The following VBP1 variants were observed in gnomAD, a reference collection of about 807,000 sequenced individuals.
VBP1 encodes prefoldin subunit 3.
VBP1 carries 4 observed loss-of-function variants against 15.5 expected under a neutral mutation model. The ratio of observed to expected loss-of-function variants is 0.26; its 90% CI spans 0.13 to 0.59. The LOEUF (loss-of-function observed/expected upper bound fraction) is 0.59. VBP1 is among the 20% of genes least tolerant of loss of function. The probability of loss-of-function intolerance (pLI) is 0.90; values close to 1 mark genes in which losing one functional copy is unlikely to be tolerated. For missense variants in VBP1, 108 were observed against 139.6 expected, an observed-to-expected ratio of 0.77 and a Z score of 1.14; for synonymous variants, 61 against 52.1, an observed-to-expected ratio of 1.17 and a Z score of -0.74.
intron 2 of VBP1, among the ~76,000 whole-genome samples, chrX:155,223,808 C>T (rs1206456353): frequency 6.9e-5 from 7 of 100,907 alleles, no homozygotes; most frequent in South Asian, 4.5e-4. Context: ...CCGGACGGGG[C>T]GGCTGGCCGG....
At chrX:155,225,929 A>G (rs1275466851) in intron 2 of VBP1, among the ~76,000 whole-genome samples, 1 of 112,121 alleles carries the variant, frequency 8.9e-6, no homozygotes, top group East Asian at 2.8e-4. Flanking sequence ...GGCTCATTTA[A>G]CACATTTCTT....
At chrX:155,235,436 T>G (rs1212144340) in intron 4 of VBP1, among the ~76,000 whole-genome samples, 1 of 111,477 alleles carries the variant, frequency 9.0e-6, no homozygotes, top group Admixed American at 9.6e-5. Context: ...TAAAATTGCA[T>G]TTGTGAGATG....
At position 155,239,084 on chromosome X, in the gene VBP1, A is replaced by G. The variant is rs936308256; in HGVS notation, c.*242A>G. On this transcript the variant is annotated 3_prime_UTR_variant, in exon 6 of 6. Transcript: ENST00000286428. ...AATCATTATTTTTGCCTGTCATAAG[A>G]AAACTCTTAGCTGAAATGGCCGAAA... 3.8e-6 allele frequency: 1 copy of G among 264,069 alleles called. No homozygotes were observed. Among genetic ancestry groups the G allele is most frequent in the Admixed American group, 6.5e-5 (1 of 15,335 alleles). 21.8% of individuals were successfully genotyped at this position (264,069 alleles called of 1,213,427 possible).
chrX:155,209,480 A>G (rs2074637495), intron 2 of VBP1, among the ~76,000 whole-genome samples: 1 of 112,654 alleles, frequency 8.9e-6, no homozygotes, highest in African/African-American at 3.2e-5. Context: ...TAGCAAAGGA[A>G]GCTTTCAAGT....
intron 4 of VBP1, among the ~76,000 whole-genome samples, chrX:155,231,210 C>G (rs1223085334): frequency 8.9e-6 from 1 of 112,028 alleles, no homozygotes; most frequent in Admixed American, 9.4e-5. Context: ...ACAGGACAGC[C>G]CTACTCCCTC....
At chrX:155,227,960 G>A in intron 3 of VBP1, among the ~76,000 whole-genome samples, 1 of 112,302 alleles carries the variant, frequency 8.9e-6, no homozygotes, top group Admixed American at 9.4e-5. Flanking sequence ...GGTGAACTTT[G>A]TAAGACTTCA....
intron 2 of VBP1, among the ~76,000 whole-genome samples, chrX:155,226,734 G>A (rs2074721660): frequency 9.0e-6 from 1 of 111,412 alleles, no homozygotes; most frequent in Non-Finnish European, 1.9e-5. Flanking sequence ...CACTGGATAG[G>A]GGATTGGTGT....
chrX:155,208,295 G>A (rs2074632791), intron 1 of VBP1, among the ~76,000 whole-genome samples: 1 of 112,208 alleles, frequency 8.9e-6, no homozygotes, highest in African/African-American at 3.2e-5. Context: ...GTAACTAGAA[G>A]AGTAAAACAA....
rs1204881041 is a variant in VBP1, at chrX:155,232,436, AT to A, written c.385-3786del. On this transcript the variant is annotated intron_variant, in intron 4 of 5. Coordinates refer to ENST00000286428, the MANE Select transcript of VBP1 (RefSeq NM_003372.7). ...TACTCCTTTCACCAAATCTGCAAAC[AT>A]TTTTTTCCTAATATTTATATACTTA... 6.3e-5 allele frequency among the ~76,000 whole-genome samples: 7 copies of A among 110,967 alleles called. No individual in the cohort carries two copies. The East Asian group carries it at 2.0e-3, about 31-fold the overall frequency.
chrX:155,221,316 A>G (rs782260847), intron 2 of VBP1, among the ~76,000 whole-genome samples: 4 of 110,742 alleles, frequency 3.6e-5, no homozygotes, highest in Admixed American at 2.9e-4. Context: ...TGGGCAACAG[A>G]GTGAGACTCC....
intron 5 of VBP1, among the ~76,000 whole-genome samples, chrX:155,238,431 C>T (rs183045610): frequency 8.9e-6 from 1 of 111,867 alleles, no homozygotes; most frequent in African/African-American, 3.2e-5. Flanking sequence ...GTTGAGTGAT[C>T]TTTCAGATTT....
At chrX:155,233,391 G>A (rs1306979949) in intron 4 of VBP1, among the ~76,000 whole-genome samples, 2 of 111,917 alleles carry the variant, frequency 1.8e-5, no homozygotes, top group African/African-American at 3.3e-5. Context: ...TTTCAAAGCA[G>A]TGATATGACT....
At chrX:155,236,436 T>C (rs2074773655) in intron 5 of VBP1, 69 bp downstream of exon 5, 9 of 1,121,003 alleles carry the variant, frequency 8.0e-6, no homozygotes, top group Non-Finnish European at 1.1e-5. Context: ...CATTCTTTCA[T>C]GGGCAGAGGG....
At chrX:155,203,052 A>T (rs1192658460) in intron 1 of VBP1, among the ~76,000 whole-genome samples, 1 of 112,280 alleles carries the variant, frequency 8.9e-6, no homozygotes, top group African/African-American at 3.2e-5. Flanking sequence ...AATCAAAACC[A>T]CAATGAGATA....
chrX:155,215,545 A>G (rs1365843253), upstream of VBP1, among the ~76,000 whole-genome samples: 1 of 112,371 alleles, frequency 8.9e-6, no homozygotes, highest in Non-Finnish European at 1.9e-5. Context: ...ATCTAAAGAC[A>G]TATCTATGTC....
chrX:155,231,179 G>C (rs2074744478), intron 4 of VBP1, among the ~76,000 whole-genome samples: 1 of 112,024 alleles, frequency 8.9e-6, no homozygotes, highest in South Asian at 3.7e-4. Flanking sequence ...ACCAAGGGTG[G>C]AATACAGAGG....
intron 4 of VBP1, 79 bp from the exon 5 acceptor site, chrX:155,236,150 T>G: frequency 1.9e-6 from 2 of 1,061,706 alleles, no homozygotes; most frequent in Non-Finnish European, 2.5e-6. Flanking sequence ...ACCTGAGGGC[T>G]GTAGTTTGCC....
intron 2 of VBP1, 58 bp downstream of exon 2, chrX:155,220,365 T>C: frequency 2.0e-6 from 2 of 977,236 alleles, no homozygotes; most frequent in South Asian, 2.8e-5. Flanking sequence ...TTTTAAAAAA[T>C]TGAGATATAA....
intron 2 of VBP1, among the ~76,000 whole-genome samples, chrX:155,222,633 G>GT (rs2074694986): frequency 8.9e-6 from 1 of 111,921 alleles, no homozygotes; most frequent in Admixed American, 9.4e-5. Flanking sequence ...CTCTACAACT[G>GT]TGGTATGTAG....
Sources: allele counts gnomAD v4.1 joint callset (sites outside exome capture counted in the v4.1 genomes callset), GRCh38; gene constraint gnomAD v4.1.1; transcripts MANE v1.5; gene names NCBI Gene and HGNC (gene_info 2026-07-23, HGNC 2026-07-21).